Variants in ADARB2 observed in about 807,000 individuals in gnomAD.
ADARB2 encodes inactive double-stranded RNA-specific editase B2.
In ADARB2, 25 loss-of-function variants were observed where a neutral mutation model predicts 62.2. That is an observed-to-expected ratio of 0.40 (90% CI 0.29 to 0.56). The LOEUF (loss-of-function observed/expected upper bound fraction) is 0.56. ADARB2 is among the 20% of genes least tolerant of loss of function. The pLI is 0.43. For synonymous variants in ADARB2, 572 were observed against 500.8 expected (o/e 1.14, Z -1.90); for missense variants, 1,071 against 1,077.4 (o/e 0.99, Z 0.08).
At chr10:1,401,640 A>G (rs575371498) in intron 1 of ADARB2, among the ~76,000 whole-genome samples, 7 of 152,338 alleles carry the variant, frequency 4.6e-5, no homozygotes, top group Non-Finnish European at 1.0e-4. Context: ...TACACTGTGT[A>G]TCCCGTGTCC....
chr10:1,549,111 C>A (rs1377259142), intron 1 of ADARB2, among the ~76,000 whole-genome samples: 12 of 149,820 alleles, frequency 8.0e-5, no homozygotes, highest in Admixed American at 4.7e-4. Flanking sequence ...CAGAGGCTGG[C>A]GTCCGGTACA....
intron 1 of ADARB2, among the ~76,000 whole-genome samples, chr10:1,666,229 C>T (rs1271929068): frequency 6.6e-6 from 1 of 152,230 alleles, no homozygotes; most frequent in Non-Finnish European, 1.5e-5. Flanking sequence ...GCCAGGGTGA[C>T]AGAGCCAGAG....
At chr10:1,516,780 T>C (rs1832014602) in intron 1 of ADARB2, among the ~76,000 whole-genome samples, 1 of 152,142 alleles carries the variant, frequency 6.6e-6, no homozygotes. Context: ...ATGAGGATAA[T>C]CGGTAAAGTG....
At chr10:1,691,405 G>A (rs1834670787) in intron 1 of ADARB2, among the ~76,000 whole-genome samples, 1 of 152,096 alleles carries the variant, frequency 6.6e-6, no homozygotes, top group Non-Finnish European at 1.5e-5. Context: ...TGAATACAAT[G>A]GTTTTTTACT....
chr10:1,645,247 G>T (rs189258442), intron 1 of ADARB2, among the ~76,000 whole-genome samples: 2 of 152,198 alleles, frequency 1.3e-5, no homozygotes, highest in African/African-American at 4.8e-5. Flanking sequence ...CATTGCTTAC[G>T]CATGCATGGC....
At chr10:1,205,877 C>T (rs12776302) in intron 7 of ADARB2, among the ~76,000 whole-genome samples, 1 of 151,000 alleles carries the variant, frequency 6.6e-6, no homozygotes. Flanking sequence ...CCCGCTGCGG[C>T]CAGGTGGGGT....
chr10:1,572,265 A>C (rs752646125), intron 1 of ADARB2, among the ~76,000 whole-genome samples: 7 of 146,058 alleles, frequency 4.8e-5, no homozygotes, highest in South Asian at 2.2e-4. Context: ...GCTGGTGAGA[A>C]GGCAGGTGAG....
intron 1 of ADARB2, among the ~76,000 whole-genome samples, chr10:1,497,205 G>A (rs1425223523): frequency 6.6e-6 from 1 of 152,178 alleles, no homozygotes; most frequent in Non-Finnish European, 1.5e-5. Flanking sequence ...TCTTCATTTT[G>A]CAAGGAGAAA....
intron 1 of ADARB2, among the ~76,000 whole-genome samples, chr10:1,442,837 A>T (rs950013481): frequency 6.6e-6 from 1 of 152,204 alleles, no homozygotes; most frequent in African/African-American, 2.4e-5. Flanking sequence ...AGACCAAGAG[A>T]TGCTCGAGGG....
chr10:1,737,021 GC>G, intron 1 of ADARB2, 29 bp downstream of exon 1: 1 of 1,604,782 alleles, frequency 6.2e-7, no homozygotes, highest in Non-Finnish European at 8.5e-7. Context: ...GTGAAGGGGG[GC>G]AGGGGCCGGC....
chr10:1,325,109 T>C (rs59246508), intron 3 of ADARB2, among the ~76,000 whole-genome samples: 1 of 152,296 alleles, frequency 6.6e-6, no homozygotes, highest in East Asian at 1.9e-4. Flanking sequence ...ATCTGTACTC[T>C]TGGGAAGGGA....
At chr10:1,303,265 A>G (rs919486922) in intron 3 of ADARB2, among the ~76,000 whole-genome samples, 8 of 152,160 alleles carry the variant, frequency 5.3e-5, no homozygotes, top group Non-Finnish European at 1.0e-4. Context: ...ATCAACTGGA[A>G]GAAAGGGTAT....
At chr10:1,209,569 C>G (rs1837120476) in intron 7 of ADARB2, among the ~76,000 whole-genome samples, 1 of 147,406 alleles carries the variant, frequency 6.8e-6, no homozygotes, top group Non-Finnish European at 1.5e-5. Flanking sequence ...ACACCCACAT[C>G]ATCACCCACA....
At chr10:1,409,223 CGCCCCGCCCTGCCTG>C (rs1832734198) in intron 1 of ADARB2, among the ~76,000 whole-genome samples, 3 of 97,360 alleles carry the variant, frequency 3.1e-5, no homozygotes, top group South Asian at 3.5e-4. Flanking sequence ...CCACCTTCGT[CGCCCCGCCCTGCCTG>C]ACAGCGGGCT....
chr10:1,489,438 A>G (rs1831592056), intron 1 of ADARB2, among the ~76,000 whole-genome samples: 1 of 152,236 alleles, frequency 6.6e-6, no homozygotes, highest in Non-Finnish European at 1.5e-5. Flanking sequence ...CACAGTTCTC[A>G]GTATCCTCTG....
At chr10:1,256,101 C>T (rs1831077133) in intron 4 of ADARB2, among the ~76,000 whole-genome samples, 1 of 152,220 alleles carries the variant, frequency 6.6e-6, no homozygotes, top group Non-Finnish European at 1.5e-5. Context: ...CCCAGTATTA[C>T]AGCTCAGTAA....
intron 1 of ADARB2, among the ~76,000 whole-genome samples, chr10:1,404,894 T>C (rs1471759483): frequency 6.6e-6 from 1 of 152,256 alleles, no homozygotes; most frequent in African/African-American, 2.4e-5. Context: ...TCACGCTTTC[T>C]ACATTGGTCC....
chr10:1,705,783 C>A (rs1027935417), intron 1 of ADARB2, among the ~76,000 whole-genome samples: 5 of 152,160 alleles, frequency 3.3e-5, no homozygotes, highest in Admixed American at 1.3e-4. Flanking sequence ...CTGCCGTCCG[C>A]CTCTGTGGAT....
At chr10:1,422,832 C>A (rs893325956) in intron 1 of ADARB2, among the ~76,000 whole-genome samples, 8 of 152,180 alleles carry the variant, frequency 5.3e-5, no homozygotes, top group African/African-American at 1.9e-4. Context: ...CATTAGCGTA[C>A]CTCCTATGGC....
Sources: gnomAD v4.1 joint callset for allele counts (sites outside exome capture counted in the v4.1 genomes callset) on GRCh38, gnomAD v4.1.1 for gene constraint, MANE v1.5 for transcripts, NCBI Gene and HGNC (gene_info 2026-07-23, HGNC 2026-07-21) for gene names.